The following FAM135A variants were observed in gnomAD, a reference collection of about 807,000 sequenced individuals.
The protein encoded by FAM135A is family with sequence similarity 135 member A, also known as protein FAM135A.
A neutral mutation model predicts 146.8 loss-of-function variants in FAM135A; 79 were observed. The observed-to-expected ratio is 0.54, with a 90% CI of 0.45 to 0.65. The LOEUF (loss-of-function observed/expected upper bound fraction) is 0.65. FAM135A is among the 30% of genes least tolerant of loss of function. FAM135A has a pLI of 0.00. For missense variants in FAM135A, 1,623 were observed against 1,758.2 expected (o/e 0.92, Z 1.38); for synonymous variants, 562 against 603.6 (o/e 0.93, Z 1.01).
chr6:70,548,224 T>C (rs1465584014), intron 20 of FAM135A, among the ~76,000 whole-genome samples: 3 of 152,206 alleles, frequency 2.0e-5, no homozygotes, highest in African/African-American at 7.2e-5. Context: ...GGCCATAATA[T>C]ATTTAACTAA....
At position 70,526,746 on chromosome 6, in the gene FAM135A, TATATACACACACACACACATACAC is replaced by T. The variant is rs1561980529; in HGVS notation, c.3614+50_3614+73del. 4.4e-5 allele frequency: 48 copies of T among 1,102,118 alleles called. 2 individuals are homozygous for T. Among genetic ancestry groups the T allele is most frequent in the Non-Finnish European group, 4.8e-5 (38 of 784,042 alleles). The allele number at this position is 1,102,118 out of a possible 1,614,324, so 68.3% of individuals were successfully genotyped here. A position where few individuals can be genotyped will look rare whatever the true frequency, so the allele number is the denominator to read the frequency against. ...ACCTGCTGCTAAATATATACATATA[TATATACACACACACACACATACAC>T]ACACACACACACACACACACACACA... On this transcript the variant is annotated intron_variant, in intron 15 of 21. Transcript: ENST00000418814.
intron 16 of FAM135A, among the ~76,000 whole-genome samples, chr6:70,528,910 T>A (rs1795254709): frequency 6.9e-6 from 1 of 144,704 alleles, no homozygotes; most frequent in Admixed American, 7.2e-5. Flanking sequence ...ATTGTTCACC[T>A]CCTACTTAGA....
chr6:70,525,478 C>G lies in FAM135A; in HGVS notation c.2394C>G (p.Cys798Trp). Reference protein sequence around the residue: ...VFETVQGQGPCNSERLFPQLL... With the variant: ...VFETVQGQGPWNSERLFPQLL... ...AAACTGTGCAAGGGCAAGGTCCTTG[C>G]AATAGTGAAAGATTATTTCCTCAGC... Residue 798 changes from cysteine to tryptophan, a missense_variant, in exon 15 of 22, where the codon TGC becomes TGG. This residue lies in a region of FAM135A where 1,061 missense variants were observed against 1,113.8 expected (regional missense o/e 0.95). Transcript: ENST00000418814. 6.2e-7 allele frequency: 1 copy of G among 1,612,164 alleles called. No homozygotes were observed.
rs147960745 is a variant in FAM135A at position 70,544,274 on chromosome 6, C to A, written c.4228+5873C>A. ...AGCCTGGACACTGGGCATGGTGGCT[C>A]ACGCCTGTAATCCCAGCACTTTGGG... On this transcript the variant is annotated intron_variant, in intron 20 of 21. Transcript: ENST00000418814. Among the ~76,000 whole-genome samples, 226 of 152,206 alleles carry A rather than the reference C, an allele frequency of 1.5e-3. 1 individual carries two copies. Among genetic ancestry groups the A allele is most frequent in the South Asian group, 3.7e-3 (18 of 4,806 alleles).
intron 3 of FAM135A, among the ~76,000 whole-genome samples, chr6:70,427,991 AT>A (rs1770596989): frequency 6.6e-6 from 1 of 152,176 alleles, no homozygotes; most frequent in Non-Finnish European, 1.5e-5. Context: ...AAAAGTTCCT[AT>A]CTATAAGAGA....
At chr6:70,480,851 C>T (rs1783560469) in intron 8 of FAM135A, 50 bp from the exon 9 acceptor site, 2 of 1,513,940 alleles carry the variant, frequency 1.3e-6, no homozygotes, top group East Asian at 2.4e-5. Flanking sequence ...ATTTAACTTA[C>T]ATTCAAATAG....
chr6:70,542,224 G>A (rs1798049155), intron 20 of FAM135A, among the ~76,000 whole-genome samples: 1 of 142,166 alleles, frequency 7.0e-6, no homozygotes, highest in Non-Finnish European at 1.5e-5. Flanking sequence ...TCTGGTCTCT[G>A]ATTCTCTGTT....
At chr6:70,555,747 TC>T (rs981420617) in intron 20 of FAM135A, among the ~76,000 whole-genome samples, 1 of 152,136 alleles carries the variant, frequency 6.6e-6, no homozygotes, top group African/African-American at 2.4e-5. Flanking sequence ...AGTCATTTTT[TC>T]TTAATATTTT....
At chr6:70,483,180 G>T (rs1337367456) in intron 10 of FAM135A, among the ~76,000 whole-genome samples, 1 of 152,102 alleles carries the variant, frequency 6.6e-6, no homozygotes. Flanking sequence ...GTGAGAAAAT[G>T]CTGGCTATTG....
chr6:70,509,606 T>C (rs1790550109), intron 12 of FAM135A, among the ~76,000 whole-genome samples: 1 of 152,204 alleles, frequency 6.6e-6, no homozygotes, highest in African/African-American at 2.4e-5. Flanking sequence ...AATAAACGTG[T>C]ATAGCAGTTA....
chr6:70,413,966 C>T (rs868659245), intron 1 of FAM135A: 29 of 985,576 alleles, frequency 2.9e-5, no homozygotes, highest in South Asian at 4.7e-5. Context: ...CGCCCCTGCC[C>T]CTGCGCGCGT....
chr6:70,506,738 C>CTTTTTTTTTTTTTTTATTTTTTTTTTTT (rs1336904814), intron 12 of FAM135A, among the ~76,000 whole-genome samples: 1 of 133,078 alleles, frequency 7.5e-6, no homozygotes. Flanking sequence ...TTTGTTTTTT[C>CTTTTTTTTTTTTTTTATTTTTTTTTTTT]TTTTTTTTTT....
chr6:70,440,082 A>G (rs1233699896), intron 4 of FAM135A, among the ~76,000 whole-genome samples: 1 of 152,170 alleles, frequency 6.6e-6, no homozygotes, highest in African/African-American at 2.4e-5. Flanking sequence ...ATCAATATTC[A>G]CCCCAAAATT....
chr6:70,523,742 ATAAT>A (rs1794105953), intron 13 of FAM135A, among the ~76,000 whole-genome samples: 1 of 152,182 alleles, frequency 6.6e-6, no homozygotes, highest in Non-Finnish European at 1.5e-5. Context: ...AATTACATAA[ATAAT>A]TAGCAGTCTG....
intron 1 of FAM135A, among the ~76,000 whole-genome samples, chr6:70,414,511 A>ACC (rs1767092195): frequency 7.8e-6 from 1 of 128,534 alleles, no homozygotes. Context: ...AAACTCTTCC[A>ACC]CCCTCCCCCC....
At chr6:70,539,733 C>T (rs1797494171) in intron 20 of FAM135A, among the ~76,000 whole-genome samples, 1 of 152,168 alleles carries the variant, frequency 6.6e-6, no homozygotes, top group African/African-American at 2.4e-5. Flanking sequence ...TGGTGGCTCA[C>T]GCCTGTAATC....
At chr6:70,543,000 A>G (rs1453367201) in intron 20 of FAM135A, among the ~76,000 whole-genome samples, 1 of 152,074 alleles carries the variant, frequency 6.6e-6, no homozygotes, top group East Asian at 1.9e-4. Context: ...TTATGTATTA[A>G]CTTCCTTTCC....
intron 2 of FAM135A, among the ~76,000 whole-genome samples, chr6:70,418,991 T>C (rs903133047): frequency 8.5e-5 from 13 of 152,196 alleles, no homozygotes; most frequent in African/African-American, 3.1e-4. Context: ...GACTGGGATT[T>C]AGGAAAGATG....
At chr6:70,442,266 A>C (rs531313142) in intron 4 of FAM135A, among the ~76,000 whole-genome samples, 13 of 140,238 alleles carry the variant, frequency 9.3e-5, no homozygotes, top group African/African-American at 3.0e-4. Flanking sequence ...TTGCCGAGAT[A>C]TATCCCGTGA....
Sources: allele counts gnomAD v4.1 joint callset (sites outside exome capture counted in the v4.1 genomes callset), GRCh38; gene constraint gnomAD v4.1.1; regional missense constraint gnomAD v4.1.1; transcripts MANE v1.5; gene names NCBI Gene and HGNC (gene_info 2026-07-23, HGNC 2026-07-21).